Variants in COL6A6 observed in about 807,000 individuals in gnomAD.
COL6A6 encodes the protein collagen alpha-6(VI) chain.
Under a neutral mutation model 208.6 loss-of-function variants are expected in COL6A6, and 183 were observed. The ratio of observed to expected loss-of-function variants is 0.88; its 90% CI spans 0.78 to 0.99. The LOEUF (loss-of-function observed/expected upper bound fraction) is 0.99, where lower values mean the gene tolerates loss of function less well. Among genes scored for constraint, COL6A6 ranks in the 50% least tolerant of loss-of-function variants. The probability of loss-of-function intolerance (pLI) is 0.00; values close to 1 mark genes in which losing one functional copy is unlikely to be tolerated. For missense variants in COL6A6, 2,816 were observed against 2,815.2 expected, an observed-to-expected ratio of 1.00 and a Z score of -0.01; for synonymous variants, 973 against 1,011.8, an observed-to-expected ratio of 0.96 and a Z score of 0.73.
intron 1 of COL6A6, among the ~76,000 whole-genome samples, chr3:130,540,399 T>C (rs2062334420): frequency 1.3e-5 from 2 of 152,262 alleles, no homozygotes; most frequent in South Asian, 4.1e-4. Flanking sequence ...TGGTCCATTC[T>C]ATGTGTTTAG....
rs982693688 is a variant in COL6A6, at chr3:130,517,232, G to T, written c.-197G>T. ...CAAGAGGCTGCCCACGCCGCTGCCT[G>T]TCCGTTCCACGGTTCCGAGGTCTCC... On this transcript the variant is annotated 5_prime_UTR_variant, in exon 1 of 37. Coordinates refer to ENST00000358511, the MANE Select transcript of COL6A6 (RefSeq NM_001102608.3). 8.5e-5 allele frequency among the ~76,000 whole-genome samples: 13 copies of T among 152,330 alleles called. No homozygotes were observed. The highest frequency in any genetic ancestry group is 4.2e-4 in the South Asian group (2 of 4,818).
At chr3:130,593,039 C>T (rs1323494935) in intron 15 of COL6A6, 22 bp from the exon 16 acceptor site, 1 of 1,608,936 alleles carries the variant, frequency 6.2e-7, no homozygotes, top group Non-Finnish European at 8.5e-7. Flanking sequence ...GTACTCTGTT[C>T]TAATCATATC....
At position 130,658,010 on chromosome 3, in the gene COL6A6, C is replaced by G. The variant is rs1024789884; in HGVS notation, c.5734-666C>G. ...CCCTGTTCTCTACCCTCAAGCTCCC[C>G]CTGTGGGTTACTAACAATGGGGCCA... On this transcript the variant is annotated intron_variant, in intron 33 of 36. Transcript: ENST00000358511. 3.9e-5 allele frequency among the ~76,000 whole-genome samples: 6 copies of G among 152,274 alleles called. No individual in the cohort carries two copies. The South Asian group carries it at 1.0e-3, about 26-fold the overall frequency.
intron 2 of COL6A6, among the ~76,000 whole-genome samples, chr3:130,561,259 A>C (rs1288135715): frequency 6.6e-6 from 1 of 152,222 alleles, no homozygotes; most frequent in Admixed American, 6.5e-5. Flanking sequence ...GTGGTCACAA[A>C]TCAAGCCACC....
At position 130,566,764 on chromosome 3, in the gene COL6A6, G is replaced by A. The variant is rs766489465; in HGVS notation, c.1345G>A (p.Ala449Thr). The A allele has an allele frequency of 6.2e-7, 1 of 1,614,000 alleles. No homozygotes were observed. The highest frequency in any genetic ancestry group is 1.1e-5 in the South Asian group (1 of 91,084). ...TATCGATGGCTCAGGGAGCACCCAG[G>A]CCACAGATTTCCATGAAATGAAGAC... ...LLIDGSGSTQ[A>T]TDFHEMKTFL... is the part of the protein sequence containing the mutation. The change falls in exon 5 of 37, where the codon GCC becomes ACC. Residue 449 changes from alanine (A) to threonine (T), a missense_variant. Physicochemically the swap from Ala to Thr is moderately conservative, Grantham distance 58. Transcript: ENST00000358511.
rs560382741 is a variant in COL6A6, at chr3:130,655,803, GT to G, written c.5734-2868del. On this transcript the variant is annotated intron_variant, in intron 33 of 36. Transcript: ENST00000358511. The stretch of plus-strand genomic sequence containing the variant: ...TGTGGCCAGTGGTGCCTTTGCCCAA[GT>G]TTTTACTCAGGCCCACTAGGCTTGT... Among the ~76,000 whole-genome samples, 282 of 152,348 alleles carry G rather than the reference GT, an allele frequency of 1.9e-3. 1 individual carries two copies. The highest frequency in any genetic ancestry group is 6.6e-3 in the African/African-American group (274 of 41,580).
At chr3:130,661,522 TTA>T (rs1466321757) in intron 34 of COL6A6, 113 bp from the exon 35 acceptor site, 3 of 778,680 alleles carry the variant, frequency 3.9e-6, no homozygotes, top group African/African-American at 3.5e-5. Flanking sequence ...ATTAAAGTAT[TTA>T]GTCACTATTT....
chr3:130,519,843 C>T (rs1710961322), intron 1 of COL6A6, among the ~76,000 whole-genome samples: 1 of 152,144 alleles, frequency 6.6e-6, no homozygotes, highest in East Asian at 1.9e-4. Context: ...GAATTGTTTC[C>T]AATAATTTAG....
intron 1 of COL6A6, among the ~76,000 whole-genome samples, chr3:130,527,180 C>T (rs1418929749): frequency 1.3e-5 from 2 of 152,212 alleles, no homozygotes; most frequent in East Asian, 1.9e-4. Context: ...TTGGCACTCA[C>T]GAATGGCAGT....
intron 18 of COL6A6, 118 bp from the exon 19 acceptor site, chr3:130,598,246 CT>C: frequency 3.1e-6 from 2 of 639,528 alleles, no homozygotes; most frequent in South Asian, 4.5e-5. Context: ...CCTATTTCTG[CT>C]TTCAAATGGG....
intron 23 of COL6A6, among the ~76,000 whole-genome samples, chr3:130,618,828 C>T (rs1297400649): frequency 1.3e-5 from 2 of 152,212 alleles, no homozygotes; most frequent in Non-Finnish European, 1.5e-5. Context: ...ACAGGATAAT[C>T]TCTCATTGTT....
chr3:130,622,788 C>G (rs545689889), intron 24 of COL6A6, among the ~76,000 whole-genome samples: 86 of 152,092 alleles, frequency 5.7e-4, no homozygotes, highest in African/African-American at 2.0e-3. Context: ...ATCCGGGAGG[C>G]AGAGTTTGCA....
intron 25 of COL6A6, among the ~76,000 whole-genome samples, chr3:130,626,899 G>C (rs1253133937): frequency 6.6e-6 from 1 of 152,130 alleles, no homozygotes; most frequent in Non-Finnish European, 1.5e-5. Context: ...GTTTCTACAA[G>C]GGTCAGACAG....
intron 20 of COL6A6, among the ~76,000 whole-genome samples, chr3:130,606,498 C>T (rs1395121624): frequency 6.6e-6 from 1 of 152,140 alleles, no homozygotes; most frequent in East Asian, 1.9e-4. Flanking sequence ...GTCAGTTTTC[C>T]CAGTTTTTCC....
intron 20 of COL6A6, among the ~76,000 whole-genome samples, chr3:130,605,732 C>T (rs1474607779): frequency 1.3e-5 from 2 of 152,082 alleles, no homozygotes; most frequent in African/African-American, 4.8e-5. Flanking sequence ...AAGACAATAC[C>T]TGAGACTGGG....
chr3:130,578,758 C>A (rs558897007), intron 8 of COL6A6, among the ~76,000 whole-genome samples: 1 of 152,282 alleles, frequency 6.6e-6, no homozygotes, highest in Admixed American at 6.5e-5. Context: ...TGCACTACAC[C>A]TAGGGCAGGA....
intron 34 of COL6A6, among the ~76,000 whole-genome samples, chr3:130,660,640 CACCTAATTTT>C: frequency 6.6e-6 from 1 of 152,176 alleles, no homozygotes; most frequent in East Asian, 1.9e-4. Context: ...CTGGTCCTAC[CACCTAATTTT>C]ACAGAACTAT....
In COL6A6 at chr3:130,560,369, T is replaced by A. The variant is rs1446708462; in HGVS notation, c.5T>A (p.Met2Lys). Reference protein sequence around the residue: MMLLILFLVIIC... With the variant: MKLLILFLVIIC... ...GAAGATTTTTCAGGTCATAATATGA[T>A]GTTGCTAATTTTGTTCCTCGTGATA... Residue 2 changes from methionine to lysine, a missense_variant, in exon 2 of 37, where the codon ATG becomes AAG. Coordinates refer to ENST00000358511, the MANE Select transcript of COL6A6 (RefSeq NM_001102608.3). 7 of 1,611,416 alleles carry A rather than the reference T, an allele frequency of 4.3e-6. No homozygotes were observed. Among genetic ancestry groups the A allele is most frequent in the Non-Finnish European group, 5.1e-6 (6 of 1,178,954 alleles).
rs114844825 is a variant in COL6A6, at chr3:130,608,531, G to A, written c.4690-371G>A. Among the ~76,000 whole-genome samples, 972 of 152,120 alleles carry A rather than the reference G, an allele frequency of 6.4e-3. 6 individuals are homozygous for A. Among genetic ancestry groups the A allele is most frequent in the African/African-American group, 0.022 (926 of 41,494 alleles). The stretch of plus-strand genomic sequence containing the variant: ...TGAATATAAATATTAATATAATCGT[G>A]TAAGATGCTTGAAGATGTTTGAAGA... On this transcript the variant is annotated intron_variant, in intron 21 of 36. Transcript: ENST00000358511.
Sources: allele counts gnomAD v4.1 joint callset (sites outside exome capture counted in the v4.1 genomes callset), GRCh38; gene constraint gnomAD v4.1.1; transcripts MANE v1.5; gene names NCBI Gene and HGNC (gene_info 2026-07-23, HGNC 2026-07-21).